Variants in KIAA0586 observed in about 807,000 individuals in gnomAD.
The protein encoded by KIAA0586 is protein TALPID3.
Under a neutral mutation model 169.8 loss-of-function variants are expected in KIAA0586, and 144 were observed. The observed-to-expected ratio is 0.85, with a 90% CI of 0.74 to 0.97. The LOEUF (loss-of-function observed/expected upper bound fraction) is 0.97, where lower values mean the gene tolerates loss of function less well. KIAA0586 is among the 50% of genes least tolerant of loss of function. The pLI, the probability that KIAA0586 is intolerant of heterozygous loss-of-function variation, is 0.00. For synonymous variants in KIAA0586, 625 were observed against 612.4 expected (o/e 1.02, Z -0.30); for missense variants, 1,854 against 1,823.0 (o/e 1.02, Z -0.31).
rs965772229 is a variant in KIAA0586, at chr14:58,492,171, G to A, written c.3886G>A (p.Val1296Met). Residue 1296 changes from valine (V) to methionine (M), a missense_variant, in exon 26 of 31, where the codon GTG becomes ATG. Physicochemically the swap from Val to Met is conservative, Grantham distance 21. Coordinates refer to ENST00000652326, the MANE Select transcript of KIAA0586 (RefSeq NM_001329943.3). Reference sequence around the variant, plus strand: ...GGATGATCCTCCTAGTGAAGGGCAAGTGATTAGGATGTCCCATAAAAAATT... The same window carrying A: ...GGATGATCCTCCTAGTGAAGGGCAAATGATTAGGATGTCCCATAAAAAATT... ...MEDDPPSEGQVIRMSHKKFHA... is the reference protein window; with the variant it reads ...MEDDPPSEGQMIRMSHKKFHA... 22 of 1,547,150 alleles carry A rather than the reference G, an allele frequency of 1.4e-5. No individual in the cohort carries two copies. Among genetic ancestry groups the A allele is most frequent in the Admixed American group, 6.0e-5 (3 of 50,388 alleles).
intron 25 of KIAA0586, among the ~76,000 whole-genome samples, chr14:58,491,943 T>A (rs1322956013): frequency 6.6e-6 from 1 of 152,184 alleles, no homozygotes; most frequent in Non-Finnish European, 1.5e-5. Context: ...ATACTGTGGT[T>A]TATATTTGAG....
At chr14:58,506,531 AC>A (rs1467461842) in intron 27 of KIAA0586, among the ~76,000 whole-genome samples, 4 of 152,030 alleles carry the variant, frequency 2.6e-5, no homozygotes, top group Non-Finnish European at 4.4e-5. Flanking sequence ...TACTAAAAAT[AC>A]AAAAATTAGA....
At chr14:58,437,267 C>A (rs1289249551) in intron 4 of KIAA0586, among the ~76,000 whole-genome samples, 2 of 152,098 alleles carry the variant, frequency 1.3e-5, no homozygotes, top group Non-Finnish European at 2.9e-5. Flanking sequence ...AAGGTTGAAT[C>A]CCAGATTTTT....
At chr14:58,459,630 C>T (rs1349271507) in intron 12 of KIAA0586, among the ~76,000 whole-genome samples, 3 of 152,042 alleles carry the variant, frequency 2.0e-5, no homozygotes, top group Non-Finnish European at 4.4e-5. Flanking sequence ...TTCCCCACTC[C>T]AAAAGATACT....
rs542356656 is a variant in KIAA0586 at position 58,486,951 on chromosome 14, A to G, written c.3145-56A>G. 7.0e-4 allele frequency: 988 copies of G among 1,406,134 alleles called. No homozygotes were observed. Among genetic ancestry groups the G allele is most frequent in the Middle Eastern group, 5.3e-3 (29 of 5,458 alleles). 87.1% of individuals were successfully genotyped at this position (1,406,134 alleles called of 1,614,324 possible). A position where few individuals can be genotyped will look rare whatever the true frequency, so the allele number is the denominator to read the frequency against. On this transcript the variant is annotated intron_variant, in intron 21 of 30. Coordinates refer to ENST00000652326, the MANE Select transcript of KIAA0586 (RefSeq NM_001329943.3). ...TATGAATGAGTTCATATTATTTTCA[A>G]ATTACTTTTATTTGGGTGATTATAA...
rs796113230 is a variant in KIAA0586, at chr14:58,521,729, A to T, written c.4429+9102A>T. 1.3e-4 allele frequency: 106 copies of T among 844,686 alleles called. No homozygotes were observed. In the African/African-American group the frequency reaches 1.7e-3, roughly 14 times the overall value. 52.3% of individuals were successfully genotyped at this position (844,686 alleles called of 1,614,324 possible). The stretch of plus-strand genomic sequence containing the variant: ...CTTAGAAAACCTAGAAGAAAATTGA[A>T]AAGGAACAGGGGAAACAAGCAGTAG... On this transcript the variant is annotated intron_variant, in intron 29 of 30. Transcript: ENST00000652326.
chr14:58,492,939 G>C (rs967031481), intron 26 of KIAA0586, among the ~76,000 whole-genome samples: 1 of 152,210 alleles, frequency 6.6e-6, no homozygotes, highest in Non-Finnish European at 1.5e-5. Flanking sequence ...TACATCTGGA[G>C]AAGGAGATTG....
At chr14:58,466,805 A>G (rs571341823) in intron 15 of KIAA0586, among the ~76,000 whole-genome samples, 1 of 152,320 alleles carries the variant, frequency 6.6e-6, no homozygotes, top group East Asian at 1.9e-4. Flanking sequence ...TAATATCATT[A>G]TGTCTTTGGG....
At chr14:58,556,891 A>G in the KIAA0586 span, among the ~76,000 whole-genome samples, 1 of 152,068 alleles carries the variant, frequency 6.6e-6, no homozygotes, top group South Asian at 2.1e-4. Flanking sequence ...GATTACAGGC[A>G]TGTGCCACCA....
At chr14:58,480,224 C>G (rs1219946681) in intron 20 of KIAA0586, among the ~76,000 whole-genome samples, 2 of 151,994 alleles carry the variant, frequency 1.3e-5, no homozygotes, top group African/African-American at 4.8e-5. Context: ...AAAATGTTTC[C>G]CTTTTTCAAA....
chr14:58,490,304 C>A, intron 25 of KIAA0586, 64 bp downstream of exon 25: 2 of 902,258 alleles, frequency 2.2e-6, no homozygotes, highest in Admixed American at 3.2e-5. Context: ...AATTGGTTGC[C>A]ACTGATCAGG....
intron 28 of KIAA0586, among the ~76,000 whole-genome samples, chr14:58,511,298 A>G (rs952857237): frequency 6.6e-6 from 1 of 152,190 alleles, no homozygotes; most frequent in Non-Finnish European, 1.5e-5. Context: ...TAATAATAGC[A>G]CACATTTATA....
At chr14:58,453,261 C>T (rs560707976) in intron 8 of KIAA0586, 89 bp from the exon 9 acceptor site, 21 of 728,840 alleles carry the variant, frequency 2.9e-5, no homozygotes, top group East Asian at 7.6e-5. Context: ...AAGAAGCTAA[C>T]TTAGGCCAGA....
intron 29 of KIAA0586, 119 bp downstream of exon 29, chr14:58,512,746 GT>G (rs2044479218): frequency 3.4e-6 from 2 of 595,942 alleles, no homozygotes; most frequent in East Asian, 6.9e-5. Flanking sequence ...GTTTTCTTTT[GT>G]TTTCTCTCAT....
chr14:58,558,975 TA>T, the KIAA0586 span, among the ~76,000 whole-genome samples: 2 of 152,352 alleles, frequency 1.3e-5, no homozygotes, highest in Non-Finnish European at 2.9e-5. Flanking sequence ...TCAGCATAAA[TA>T]AGCACAGTTC....
intron 20 of KIAA0586, among the ~76,000 whole-genome samples, chr14:58,482,221 T>C (rs897131722): frequency 1.3e-5 from 2 of 150,908 alleles, no homozygotes; most frequent in Non-Finnish European, 3.0e-5. Flanking sequence ...ATGTCAGGAG[T>C]TCAAGACCAG....
chr14:58,508,323 C>T (rs1342422611), intron 27 of KIAA0586, among the ~76,000 whole-genome samples: 1 of 152,198 alleles, frequency 6.6e-6, no homozygotes, highest in Non-Finnish European at 1.5e-5. Context: ...TTGACTGGAA[C>T]TTTACATAGA....
chr14:58,457,676 G>T, intron 10 of KIAA0586, 83 bp from the exon 11 acceptor site: 1 of 803,084 alleles, frequency 1.2e-6, no homozygotes. Context: ...ATAATGTATG[G>T]CCTCAACAAT....
intron 15 of KIAA0586, among the ~76,000 whole-genome samples, chr14:58,467,046 T>C (rs1390330268): frequency 6.6e-6 from 1 of 152,212 alleles, no homozygotes; most frequent in Non-Finnish European, 1.5e-5. Context: ...ATTAACAATT[T>C]AAGTATGAAT....
Sources: allele counts gnomAD v4.1 joint callset (sites outside exome capture counted in the v4.1 genomes callset), GRCh38; gene constraint gnomAD v4.1.1; transcripts MANE v1.5; gene names NCBI Gene and HGNC (gene_info 2026-07-23, HGNC 2026-07-21).